The following C4orf50 variants were observed in gnomAD, a reference collection of about 807,000 sequenced individuals.
The protein encoded by C4orf50 is chromosome 4 open reading frame 50.
C4orf50 carries 80 observed loss-of-function variants against 77.2 expected under a neutral mutation model. The ratio of observed to expected loss-of-function variants is 1.04; its 90% CI spans 0.87 to 1.25. The LOEUF is 1.25. Among genes scored for constraint, C4orf50 ranks in the 50% most tolerant of loss-of-function variants. The pLI is 0.00. For missense variants in C4orf50, 1,257 were observed against 1,152.9 expected (o/e 1.09, Z -1.31); for synonymous variants, 532 against 465.3 (o/e 1.14, Z -1.84).
chr4:5,934,583 C>G (rs1044456505), intron 7 of C4orf50, among the ~76,000 whole-genome samples: 1 of 152,136 alleles, frequency 6.6e-6, no homozygotes, highest in Non-Finnish European at 1.5e-5. Flanking sequence ...ATGTTCTTCA[C>G]CCATGCTTTT....
exon 28 of C4orf50, chr4:5,989,637 G>A (rs767180069): frequency 2.7e-4 from 415 of 1,536,126 alleles, no homozygotes; most frequent in Non-Finnish European, 3.4e-4. Flanking sequence ...CAAGCTCATC[G>A]ATTGTGAGTG....
In C4orf50 at chr4:6,011,087, C is replaced by G. The variant is rs1448939170; in HGVS notation, c.426+743G>C. Among the ~76,000 whole-genome samples, 2 of 152,188 alleles carry G rather than the reference C, an allele frequency of 1.3e-5. No homozygotes were observed. Among genetic ancestry groups the G allele is most frequent in the Non-Finnish European group, 2.9e-5 (2 of 68,032 alleles). On this transcript the variant is annotated intron_variant, in intron 24 of 33. Transcript: ENST00000531445. The surrounding 1 kb of genome is among the most constrained non-coding windows in gnomAD (Gnocchi z 4.2). ...CCACCCTTAACTGCCCACTGCTTCT[C>G]CAGAGAGCTCTCGAACTTCTCCCCC...
At chr4:5,976,179 C>T (rs780161155) in intron 29 of C4orf50, among the ~76,000 whole-genome samples, 15 of 152,086 alleles carry the variant, frequency 9.9e-5, no homozygotes, top group Non-Finnish European at 2.1e-4. Context: ...GGCGCAGTGA[C>T]CCACGCCTGT....
rs1722347729 is a variant in C4orf50, at chr4:6,008,478, C to CCTGCAACCGCCGCAGCCGCCA, written c.460_480dup (p.Trp154_Gln160dup). 1 of 397,756 alleles carries CCTGCAACCGCCGCAGCCGCCA rather than the reference C, an allele frequency of 2.5e-6. No homozygotes were observed. Among genetic ancestry groups the CCTGCAACCGCCGCAGCCGCCA allele is most frequent in the Non-Finnish European group, 4.4e-6 (1 of 225,588 alleles). 24.6% of individuals were successfully genotyped at this position (397,756 alleles called of 1,614,324 possible). ...GCCTCGTCCTTGCGCCGCAACCGCTCCTGCAACCGCCGCAGCCGCCACTGC... is the reference window on the plus strand; with the variant it reads ...GCCTCGTCCTTGCGCCGCAACCGCTCCTGCAACCGCCGCAGCCGCCACTGCAACCGCCGCAGCCGCCACTGC... On this transcript the variant is annotated inframe_insertion, in exon 25 of 34. Coordinates refer to ENST00000531445, the Ensembl canonical transcript of C4orf50. The surrounding 1 kb of genome is among the most constrained non-coding windows in gnomAD (Gnocchi z 6.0).
intron 7 of C4orf50, among the ~76,000 whole-genome samples, chr4:5,949,489 T>C (rs1718629449): frequency 6.6e-6 from 1 of 152,048 alleles, no homozygotes. Context: ...GTCCCTAGAG[T>C]AGCCGGACTT....
At chr4:6,016,698 T>C (rs182964663) in intron 23 of C4orf50, among the ~76,000 whole-genome samples, 8 of 152,320 alleles carry the variant, frequency 5.3e-5, no homozygotes, top group African/African-American at 1.7e-4. Context: ...TAACTTTGTA[T>C]ATGACTCTCG....
intron 7 of C4orf50, among the ~76,000 whole-genome samples, chr4:5,930,150 G>C (rs1353540481): frequency 6.6e-6 from 1 of 152,216 alleles, no homozygotes. Flanking sequence ...GAATCGGGGA[G>C]CCTGGACTCA....
intron 25 of C4orf50, among the ~76,000 whole-genome samples, chr4:5,998,728 G>T (rs189551867): frequency 1.3e-5 from 2 of 152,344 alleles, no homozygotes; most frequent in African/African-American, 2.4e-5. Flanking sequence ...GTAGTGTCAT[G>T]GTTTGCACCT....
At chr4:5,935,911 C>CAAATAGTAG (rs948884446) in intron 7 of C4orf50, among the ~76,000 whole-genome samples, 2 of 149,914 alleles carry the variant, frequency 1.3e-5, no homozygotes, top group Non-Finnish European at 3.0e-5. Flanking sequence ...CCAAGAACAT[C>CAAATAGTAG]AAATAGTAGA....
At chr4:5,914,894 C>T (rs1170249355) in intron 7 of C4orf50, among the ~76,000 whole-genome samples, 4 of 152,156 alleles carry the variant, frequency 2.6e-5, no homozygotes, top group African/African-American at 7.2e-5. Flanking sequence ...ATGAAGGTGC[C>T]ATCTCATAGT....
intron 28 of C4orf50, among the ~76,000 whole-genome samples, chr4:5,987,685 C>T (rs1254638968): frequency 6.6e-6 from 1 of 150,932 alleles, no homozygotes; most frequent in East Asian, 2.0e-4. Context: ...GAGGGTGGAG[C>T]GAGATGGGAG....
chr4:5,913,328 G>A (rs1052200144), intron 7 of C4orf50, among the ~76,000 whole-genome samples: 1 of 152,206 alleles, frequency 6.6e-6, no homozygotes. Flanking sequence ...GGAGGAGGCC[G>A]TGTCTCTAGT....
intron 7 of C4orf50, among the ~76,000 whole-genome samples, chr4:5,912,645 C>A (rs553740912): frequency 6.6e-6 from 1 of 152,244 alleles, no homozygotes; most frequent in South Asian, 2.1e-4. Context: ...TTATTACTCA[C>A]AGTTCCCTAG....
chr4:5,944,981 C>T (rs1293023641), intron 7 of C4orf50, among the ~76,000 whole-genome samples: 1 of 152,208 alleles, frequency 6.6e-6, no homozygotes, highest in African/African-American at 2.4e-5. Context: ...ACCAAGACAC[C>T]TGCTCCAGGT....
rs1210504423 is a variant in C4orf50 at position 5,992,455 on chromosome 4, G to C, written c.1221+348C>G. On this transcript the variant is annotated intron_variant, in intron 27 of 33. Coordinates refer to ENST00000531445, the Ensembl canonical transcript of C4orf50. The surrounding 1 kb of genome is among the most constrained non-coding windows in gnomAD (Gnocchi z 5.0). ...GATCTCGGGGTCCACCTCCAAGCTGGGGACCTTGGGGAGTCACAGCAGCCC... is the reference window on the plus strand; with the variant it reads ...GATCTCGGGGTCCACCTCCAAGCTGCGGACCTTGGGGAGTCACAGCAGCCC... Among the ~76,000 whole-genome samples, 6 of 151,918 alleles carry C rather than the reference G, an allele frequency of 3.9e-5. No homozygotes were observed. The highest frequency in any genetic ancestry group is 1.5e-4 in the African/African-American group (6 of 41,372).
At chr4:5,955,552 G>C (rs538364962), downstream of C4orf50, among the ~76,000 whole-genome samples, 2 of 152,360 alleles carry the variant, frequency 1.3e-5, no homozygotes, top group East Asian at 3.9e-4. The surrounding 1 kb of genome is among the most constrained non-coding windows in gnomAD (Gnocchi z 5.1). Context: ...TCTGGGCAGA[G>C]GGCCCACAGC....
intron 33 of C4orf50, among the ~76,000 whole-genome samples, chr4:5,960,841 G>C (rs1250714419): frequency 6.6e-6 from 1 of 152,122 alleles, no homozygotes; most frequent in Non-Finnish European, 1.5e-5. Flanking sequence ...TCAGGAGTCT[G>C]GACTCCATCT....
At chr4:6,010,443 C>T (rs1474060468) in intron 24 of C4orf50, among the ~76,000 whole-genome samples, 1 of 152,232 alleles carries the variant, frequency 6.6e-6, no homozygotes, top group East Asian at 1.9e-4. Context: ...GCTTTTCCAG[C>T]TTTTCTGAGT....
chr4:6,006,567 G>C (rs967651274), intron 25 of C4orf50, among the ~76,000 whole-genome samples: 1 of 152,214 alleles, frequency 6.6e-6, no homozygotes, highest in Non-Finnish European at 1.5e-5. Context: ...GCCTTCATAA[G>C]CATTACATGA....
Sources: gnomAD v4.1 joint callset for allele counts (sites outside exome capture counted in the v4.1 genomes callset) on GRCh38, gnomAD v4.1.1 for gene constraint, Gnocchi (gnomAD v3.1) non-coding constraint, MANE v1.5 for transcripts, NCBI Gene and HGNC (gene_info 2026-07-23, HGNC 2026-07-21) for gene names.